ATP9A: variants seen among roughly 807,000 people sequenced by gnomAD.
ATP9A encodes ATPase phospholipid transporting 9A.
Under a neutral mutation model 144.1 loss-of-function variants are expected in ATP9A, and 52 were observed. The observed-to-expected ratio is 0.36, with a 90% CI of 0.29 to 0.45. The LOEUF (loss-of-function observed/expected upper bound fraction) is 0.45, where lower values mean the gene tolerates loss of function less well. Ranked by LOEUF, ATP9A falls within the 20% of genes least tolerant of loss-of-function variation. The pLI is 1.00. For synonymous variants in ATP9A, 582 were observed against 557.4 expected (o/e 1.04, Z -0.62); for missense variants, 947 against 1,392.7 (o/e 0.68, Z 5.09).
At chr20:51,692,509 C>T (rs1258118208) in intron 7 of ATP9A, among the ~76,000 whole-genome samples, 1 of 152,038 alleles carries the variant, frequency 6.6e-6, no homozygotes, top group African/African-American at 2.4e-5. Context: ...AGCGTGGGGT[C>T]CTGGAGAGCC....
chr20:51,693,758 T>G (rs563071054), intron 7 of ATP9A, among the ~76,000 whole-genome samples: 1 of 152,268 alleles, frequency 6.6e-6, no homozygotes, highest in Non-Finnish European at 1.5e-5. Flanking sequence ...CTTTTCAATT[T>G]TGGTGAGGCC....
intron 1 of ATP9A, among the ~76,000 whole-genome samples, chr20:51,767,286 C>T (rs2077908986): frequency 6.6e-6 from 1 of 152,128 alleles, no homozygotes; most frequent in Admixed American, 6.5e-5. Context: ...GGGCTCCAGC[C>T]TCACCTGCGC....
chr20:51,673,268 G>A (rs2077463718), intron 11 of ATP9A, among the ~76,000 whole-genome samples: 1 of 152,100 alleles, frequency 6.6e-6, no homozygotes, highest in South Asian at 2.1e-4. Flanking sequence ...CAGCTACTCA[G>A]GAGGCTGAGG....
chr20:51,768,149 C>A (rs1300130467), intron 1 of ATP9A, among the ~76,000 whole-genome samples, 153 bp downstream of exon 1: 2 of 151,786 alleles, frequency 1.3e-5, no homozygotes, highest in Admixed American at 6.5e-5. Flanking sequence ...AGCGCAGGGA[C>A]CCCCTCCCCA....
chr20:51,680,595 A>G (rs2077496119), intron 9 of ATP9A, among the ~76,000 whole-genome samples: 1 of 152,144 alleles, frequency 6.6e-6, no homozygotes. Flanking sequence ...GACGGACCTC[A>G]GCACTGCCTG....
chr20:51,745,371 G>C (rs1601141851), intron 1 of ATP9A, among the ~76,000 whole-genome samples: 1 of 150,888 alleles, frequency 6.6e-6, no homozygotes, highest in Admixed American at 6.6e-5. Flanking sequence ...GGAGGAAGAA[G>C]TTATAGTGAG....
At chr20:51,669,043 T>C (rs902554180) in intron 13 of ATP9A, among the ~76,000 whole-genome samples, 2 of 152,206 alleles carry the variant, frequency 1.3e-5, no homozygotes, top group Admixed American at 1.3e-4. Context: ...AAATATGACC[T>C]CCTTATTCTC....
At chr20:51,628,758 G>C (rs1239668310) in intron 16 of ATP9A, among the ~76,000 whole-genome samples, 1 of 152,250 alleles carries the variant, frequency 6.6e-6, no homozygotes, top group Non-Finnish European at 1.5e-5. Context: ...ATTACGGCCA[G>C]TGGGAGGCCC....
At chr20:51,761,499 C>T (rs1047965291) in intron 1 of ATP9A, among the ~76,000 whole-genome samples, 7 of 152,110 alleles carry the variant, frequency 4.6e-5, no homozygotes, top group South Asian at 2.1e-4. Context: ...CCGTGGCTCA[C>T]GGCTGTAATC....
chr20:51,643,437 T>C (rs140474289), intron 14 of ATP9A, among the ~76,000 whole-genome samples: 96 of 152,324 alleles, frequency 6.3e-4, no homozygotes, highest in African/African-American at 2.2e-3. Context: ...ATCCCCAATA[T>C]GATAGCAGTT....
intron 1 of ATP9A, among the ~76,000 whole-genome samples, chr20:51,756,040 T>C (rs2077854466): frequency 6.6e-6 from 1 of 152,210 alleles, no homozygotes; most frequent in Non-Finnish European, 1.5e-5. Context: ...ATACTGCACA[T>C]GCCAAGATGG....
intron 1 of ATP9A, among the ~76,000 whole-genome samples, chr20:51,755,622 C>G (rs2077852503): frequency 1.3e-5 from 2 of 152,094 alleles, no homozygotes; most frequent in African/African-American, 4.8e-5. Flanking sequence ...CAAATATACC[C>G]TAGGGCCCAG....
intron 1 of ATP9A, among the ~76,000 whole-genome samples, chr20:51,730,351 C>A (rs1048228400): frequency 1.3e-5 from 2 of 152,120 alleles, no homozygotes; most frequent in African/African-American, 4.8e-5. Flanking sequence ...GCCTGTAATC[C>A]CAGCTACTCA....
At chr20:51,763,975 C>A (rs2122925253) in intron 1 of ATP9A, among the ~76,000 whole-genome samples, 1 of 152,276 alleles carries the variant, frequency 6.6e-6, no homozygotes, top group Non-Finnish European at 1.5e-5. Context: ...TTCTAAATTT[C>A]TCATAAAAGG....
intron 6 of ATP9A, 37 bp from the exon 7 acceptor site, chr20:51,694,139 A>G (rs773778419): frequency 6.4e-7 from 1 of 1,565,682 alleles, no homozygotes. Flanking sequence ...CCTGCACCTC[A>G]AGCACCCTTC....
intron 4 of ATP9A, among the ~76,000 whole-genome samples, chr20:51,711,938 C>A (rs1014333053): frequency 2.0e-5 from 3 of 150,684 alleles, no homozygotes; most frequent in African/African-American, 7.3e-5. Flanking sequence ...TCACTGCAGC[C>A]TCCGCCTCCT....
intron 14 of ATP9A, among the ~76,000 whole-genome samples, chr20:51,649,766 T>C (rs777227426): frequency 2.0e-5 from 3 of 151,862 alleles, no homozygotes; most frequent in Non-Finnish European, 2.9e-5. Flanking sequence ...AATTCAAAAT[T>C]AGCCGGGCGT....
At chr20:51,669,491 C>T (rs767593359) in intron 13 of ATP9A, among the ~76,000 whole-genome samples, 3 of 152,126 alleles carry the variant, frequency 2.0e-5, no homozygotes, top group Non-Finnish European at 4.4e-5. Context: ...TAATCAGTAA[C>T]GTCATGATTA....
At chr20:51,670,262 C>T (rs2077450493) in intron 12 of ATP9A, among the ~76,000 whole-genome samples, 153 bp from the exon 13 acceptor site, 1 of 152,202 alleles carries the variant, frequency 6.6e-6, no homozygotes, top group Non-Finnish European at 1.5e-5. Context: ...CAGCATTTTG[C>T]CTGCCTAGAA....
Sources: allele counts gnomAD v4.1 joint callset (sites outside exome capture counted in the v4.1 genomes callset), GRCh38; gene constraint gnomAD v4.1.1; transcripts MANE v1.5; gene names NCBI Gene and HGNC (gene_info 2026-07-23, HGNC 2026-07-21).